Variants in TNKS observed in about 807,000 individuals in gnomAD.
TNKS encodes tankyrase.
TNKS carries 72 observed loss-of-function variants against 135.8 expected under a neutral mutation model. The observed-to-expected ratio is 0.53, with a 90% confidence interval of 0.44 to 0.64. The LOEUF is 0.64. Among genes scored for constraint, TNKS ranks in the 30% least tolerant of loss-of-function variants. The pLI is 0.00. For synonymous variants in TNKS, 849 were observed against 649.3 expected (o/e 1.31, Z -4.68); for missense variants, 1,769 against 1,674.0 (o/e 1.06, Z -0.99).
chr8:9,735,195 C>G, intron 16 of TNKS, 111 bp downstream of exon 16: 7 of 1,178,270 alleles, frequency 5.9e-6, no homozygotes, highest in Non-Finnish European at 8.3e-6. Context: ...TAGTAAAATG[C>G]TCTTGATTGA....
chr8:9,637,754 A>G lies in TNKS; in HGVS notation c.994+22077A>G, dbSNP rs150880180. Among the ~76,000 whole-genome samples, 11 of 152,360 alleles carry G rather than the reference A, an allele frequency of 7.2e-5. No individual in the cohort carries two copies. In the East Asian group the frequency reaches 2.1e-3, roughly 29 times the overall value. ...CTCTTTGTAAAAGAAAAACAAAAAC[A>G]CATGAAGTAGAAATATTAATGATGC... On this transcript the variant is annotated intron_variant, in intron 3 of 26. Coordinates refer to ENST00000310430, the MANE Select transcript of TNKS (RefSeq NM_003747.3).
chr8:9,723,667 AC>A (rs1373371671), intron 12 of TNKS, among the ~76,000 whole-genome samples: 1 of 152,250 alleles, frequency 6.6e-6, no homozygotes, highest in Non-Finnish European at 1.5e-5. Flanking sequence ...ACATCTGGCT[AC>A]ATTTAAACTA....
At chr8:9,563,584 C>A (rs1797417787) in intron 1 of TNKS, among the ~76,000 whole-genome samples, 1 of 152,100 alleles carries the variant, frequency 6.6e-6, no homozygotes, top group Non-Finnish European at 1.5e-5. Context: ...TTATATGTGG[C>A]ATTTTTTCCA....
rs778252228 is a variant in TNKS at position 9,556,308 on chromosome 8, T to C, written c.369T>C (p.Ser123=). The C allele has an allele frequency of 6.2e-7, 1 of 1,614,254 alleles. No individual in the cohort carries two copies. The highest frequency in any genetic ancestry group is 2.2e-5 in the East Asian group (1 of 44,888). Residue 123 remains serine, a synonymous_variant, in exon 1 of 27, where the codon AGT becomes AGC. Coordinates refer to ENST00000310430, the MANE Select transcript of TNKS (RefSeq NM_003747.3). The part of the protein sequence containing the change: ...AAGVAPNPAG[S]GSNNSPSSSS... ...GGGTCGCTCCCAACCCAGCCGGCAG[T>C]GGCAGTAACAATTCACCGTCGTCCT... is the stretch of plus-strand genomic sequence containing the variant.
intron 17 of TNKS, among the ~76,000 whole-genome samples, chr8:9,739,147 C>T (rs1805799159): frequency 7.8e-6 from 1 of 128,876 alleles, no homozygotes; most frequent in Admixed American, 8.1e-5. Context: ...ATTTTCGCAA[C>T]CTACTCATCT....
In TNKS at chr8:9,556,016, C is replaced by A; in HGVS notation, c.77C>A (p.Ala26Glu). Residue 26 changes from alanine to glutamate, a missense_variant, in exon 1 of 27, where the codon GCG becomes GAG. Physicochemically the swap from Ala to Glu is moderately radical, Grantham distance 107 (BLOSUM62 -1). Transcript: ENST00000310430. ...QQLQPAPGAS[A>E]PPPPPPPPLS... Reference sequence around the variant, plus strand: ...CTCCAGCCCGCCCCAGGGGCTTCAGCGCCGCCGCCGCCACCTCCTCCCCCA... The same window carrying A: ...CTCCAGCCCGCCCCAGGGGCTTCAGAGCCGCCGCCGCCACCTCCTCCCCCA... The A allele has an allele frequency of 3.1e-6, 5 of 1,612,310 alleles. No individual in the cohort carries two copies. The highest frequency in any genetic ancestry group is 1.7e-6 in the Non-Finnish European group (2 of 1,179,662).
At chr8:9,755,959 ATCC>A in intron 20 of TNKS, among the ~76,000 whole-genome samples, 1 of 152,218 alleles carries the variant, frequency 6.6e-6, no homozygotes, top group East Asian at 1.9e-4. Flanking sequence ...ATAATATAGT[ATCC>A]TTTCTAGTTA....
intron 21 of TNKS, among the ~76,000 whole-genome samples, chr8:9,762,109 T>G (rs1807176404): frequency 6.6e-6 from 1 of 152,186 alleles, no homozygotes; most frequent in Non-Finnish European, 1.5e-5. Flanking sequence ...GCTAACATGG[T>G]TTTTTACAAT....
chr8:9,678,879 T>A (rs1802653245), intron 3 of TNKS, among the ~76,000 whole-genome samples: 2 of 152,202 alleles, frequency 1.3e-5, no homozygotes, highest in Admixed American at 1.3e-4. Flanking sequence ...TAATTATTTG[T>A]TGAGATACTT....
At chr8:9,659,732 G>A (rs1801602461) in intron 3 of TNKS, among the ~76,000 whole-genome samples, 1 of 152,164 alleles carries the variant, frequency 6.6e-6, no homozygotes, top group Non-Finnish European at 1.5e-5. Context: ...AAATAAGTAA[G>A]ATCAGAGCAG....
rs17734024 is a variant in TNKS at position 9,778,260 on chromosome 8, G to A, written c.*1524G>A. On this transcript the variant is annotated 3_prime_UTR_variant, in exon 27 of 27. Coordinates refer to ENST00000310430, the MANE Select transcript of TNKS (RefSeq NM_003747.3). ...CTGTGCATCTACTCTGCTTTGAAGC[G>A]AAAGAAATATAAACACGAGGAGGAA... The A allele has an allele frequency of 0.098, 14,859 of 152,274 alleles. 1,079 individuals are homozygous for A. Among genetic ancestry groups the A allele is most frequent in the Admixed American group, 0.23 (3,484 of 15,252 alleles). The allele number at this position is 152,274 out of a possible 1,614,324, so 9.4% of individuals were successfully genotyped here.
rs960088243 is a variant in TNKS at position 9,780,063 on chromosome 8, T to C, written c.*3327T>C. On this transcript the variant is annotated 3_prime_UTR_variant, in exon 27 of 27. Transcript: ENST00000310430. ...CAAATAATGTAGATTAACATTCTATTATTGTATCCGTTTTACAAAAAATAA... is the reference window on the plus strand; with the variant it reads ...CAAATAATGTAGATTAACATTCTATCATTGTATCCGTTTTACAAAAAATAA... The C allele has an allele frequency of 2.6e-5, 4 of 152,236 alleles. No homozygotes were observed. Among genetic ancestry groups the C allele is most frequent in the Non-Finnish European group, 5.9e-5 (4 of 68,048 alleles). 9.4% of individuals were successfully genotyped at this position (152,236 alleles called of 1,614,324 possible). A position where few individuals can be genotyped will look rare whatever the true frequency, so the allele number is the denominator to read the frequency against.
intron 3 of TNKS, among the ~76,000 whole-genome samples, chr8:9,661,805 G>C (rs1352796042): frequency 4.6e-5 from 7 of 152,138 alleles, no homozygotes; most frequent in Non-Finnish European, 8.8e-5. Context: ...GCTACCTACA[G>C]AATGGGAGAA....
chr8:9,556,297 C>A lies in TNKS; in HGVS notation c.358C>A (p.Pro120Thr), dbSNP rs531198224. 4 of 1,614,278 alleles carry A rather than the reference C, an allele frequency of 2.5e-6. No homozygotes were observed. The highest frequency in any genetic ancestry group is 2.5e-6 in the Non-Finnish European group (3 of 1,180,052). ...TSSAAGVAPN[P>T]AGSGSNNSPS... is the part of the protein sequence containing the mutation. ...ATCTGCCGCTGGGGTCGCTCCCAAC[C>A]CAGCCGGCAGTGGCAGTAACAATTC... Residue 120 changes from proline to threonine, a missense_variant, in exon 1 of 27, where the codon CCA (proline) becomes ACA (threonine). By Grantham distance (38) the Pro-to-Thr change is conservative (BLOSUM62 -1). Around this residue, in one of 5 missense-constraint regions of TNKS, gnomAD observed 450 missense variants for 304.9 expected, o/e 1.48. Transcript: ENST00000310430.
chr8:9,704,528 T>C lies in TNKS; in HGVS notation c.1108-135T>C, dbSNP rs865858142. On this transcript the variant is annotated intron_variant, in intron 5 of 26. Transcript: ENST00000310430. ...CAGTAAATTATCTCTCCTTAAGTTA[T>C]GAAATGTGAATTTTTGACATTTCAG... 13 of 664,236 alleles carry C rather than the reference T, an allele frequency of 2.0e-5. No individual in the cohort carries two copies. The Middle Eastern group carries it at 2.2e-3, about 113-fold the overall frequency. 41.1% of individuals were successfully genotyped at this position (664,236 alleles called of 1,614,324 possible).
intron 5 of TNKS, among the ~76,000 whole-genome samples, chr8:9,699,191 G>T (rs1000105436): frequency 1.3e-5 from 2 of 152,154 alleles, no homozygotes; most frequent in African/African-American, 4.8e-5. Flanking sequence ...TTAGAAATGG[G>T]GCTGCCTTAT....
intron 17 of TNKS, among the ~76,000 whole-genome samples, chr8:9,742,936 G>A (rs1193939563): frequency 1.3e-5 from 2 of 151,832 alleles, no homozygotes; most frequent in Admixed American, 6.6e-5. Context: ...ATACAACTGT[G>A]TTCTATTATT....
chr8:9,643,555 G>C (rs559673089), intron 3 of TNKS, among the ~76,000 whole-genome samples: 102 of 152,160 alleles, frequency 6.7e-4, no homozygotes, highest in Non-Finnish European at 1.2e-3. Context: ...TACAAACTTG[G>C]AGGGACACAT....
chr8:9,636,793 A>G (rs1440852145), intron 3 of TNKS, among the ~76,000 whole-genome samples: 1 of 152,196 alleles, frequency 6.6e-6, no homozygotes, highest in South Asian at 2.1e-4. Context: ...TGGACACCAG[A>G]TGAGTACTAA....
Sources: gnomAD v4.1 joint callset for allele counts (sites outside exome capture counted in the v4.1 genomes callset) on GRCh38, gnomAD v4.1.1 for gene constraint, gnomAD v4.1.1 regional missense constraint, MANE v1.5 for transcripts, NCBI Gene and HGNC (gene_info 2026-07-23, HGNC 2026-07-21) for gene names.